Variants in ZNF717 observed in about 807,000 individuals in gnomAD.
ZNF717 encodes the protein zinc finger protein 717.
A neutral mutation model predicts 13.8 loss-of-function variants in ZNF717; 9 were observed. The observed-to-expected ratio is 0.65, with a 90% CI of 0.39 to 1.14. The LOEUF is 1.14. ZNF717 is among the 50% of genes most tolerant of loss of function. The probability of loss-of-function intolerance (pLI) is 0.01; values close to 1 mark genes in which losing one functional copy is unlikely to be tolerated. For missense variants in ZNF717, 1,040 were observed against 1,080.7 expected (o/e 0.96, Z 0.53); for synonymous variants, 327 against 364.1 (o/e 0.90, Z 1.16).
chr3:75,733,574 C>T (rs797021673), downstream of ZNF717, among the ~76,000 whole-genome samples: 15 of 150,638 alleles, frequency 1.0e-4, no homozygotes, highest in Non-Finnish European at 1.6e-4. Context: ...GTCAGGAGAT[C>T]GAGACCACTC....
chr3:75,708,776 TA>T (rs1296806854), downstream of ZNF717, among the ~76,000 whole-genome samples: 3 of 152,188 alleles, frequency 2.0e-5, no homozygotes, highest in African/African-American at 7.2e-5. Flanking sequence ...AGCATTGCTG[TA>T]AAGAAATACC....
intron 2 of ZNF717, among the ~76,000 whole-genome samples, chr3:75,746,281 C>T (rs1335345588): frequency 1.3e-5 from 2 of 152,142 alleles, no homozygotes; most frequent in African/African-American, 4.8e-5. Context: ...CATTGTTGGA[C>T]ATTTGGACAT....
intron 2 of ZNF717, among the ~76,000 whole-genome samples, chr3:75,756,819 C>T (rs1291874524): frequency 6.6e-6 from 1 of 152,204 alleles, no homozygotes; most frequent in Non-Finnish European, 1.5e-5. Flanking sequence ...GGATTACGGG[C>T]ATGCGCCACC....
chr3:75,774,215 A>G lies in ZNF717; in HGVS notation c.57+9091T>C, dbSNP rs1484920412. On this transcript the variant is annotated intron_variant, in intron 2 of 4. Coordinates refer to ENST00000652011, the MANE Select transcript of ZNF717 (RefSeq NM_001290208.3). ...AAAAAAAAAAAAAAGGAAAAACAAGAGGCAGATTGTTTGGGAAGGTAAGTC... is the reference window on the plus strand; with the variant it reads ...AAAAAAAAAAAAAAGGAAAAACAAGGGGCAGATTGTTTGGGAAGGTAAGTC... 9.9e-5 allele frequency among the ~76,000 whole-genome samples: 15 copies of G among 151,122 alleles called. No individual in the cohort carries two copies. In the East Asian group the frequency reaches 2.7e-3, roughly 27 times the overall value.
chr3:75,760,731 T>C (rs1160047485), intron 2 of ZNF717, among the ~76,000 whole-genome samples: 1 of 150,100 alleles, frequency 6.7e-6, no homozygotes, highest in East Asian at 2.0e-4. Flanking sequence ...CTCAAATCAA[T>C]AACCTAACAT....
chr3:75,734,725 G>GCCAAT (rs1938930250), downstream of ZNF717, among the ~76,000 whole-genome samples: 1 of 143,382 alleles, frequency 7.0e-6, no homozygotes, highest in Admixed American at 7.1e-5. Context: ...ATAAGCCACC[G>GCCAAT]TACCTGGCTG....
In ZNF717 at chr3:75,737,727, T is replaced by C. The variant is rs1461707019; in HGVS notation, c.1896A>G (p.Ser632=). 9 of 1,546,162 alleles carry C rather than the reference T, an allele frequency of 5.8e-6. No homozygotes were observed. In the East Asian group the frequency reaches 1.2e-4, roughly 21 times the overall value. ...NECGKTFRQK[S]NLSTHQGTHT... ...GAGTTCCCTGATGGGTGCTGAGATT[T>C]GACTTCTGACGAAAGGTTTTTCCAC... Residue 632 remains serine, a synonymous_variant, in exon 5 of 5, where the codon TCA becomes TCG. Coordinates refer to ENST00000652011, the MANE Select transcript of ZNF717 (RefSeq NM_001290208.3).
chr3:75,736,452 CAT>C lies in ZNF717; in HGVS notation c.*424_*425del, dbSNP rs1200272420. 6.0e-6 allele frequency: 1 copy of C among 165,416 alleles called. No individual in the cohort carries two copies. Among genetic ancestry groups the C allele is most frequent in the African/African-American group, 2.4e-5 (1 of 41,666 alleles). The allele number at this position is 165,416 out of a possible 1,614,324, so 10.2% of individuals were successfully genotyped here. A position where few individuals can be genotyped will look rare whatever the true frequency, so the allele number is the denominator to read the frequency against. ...GTTATAGGTGCTACTCCAGAGAACA[CAT>C]GAATGATTTTTAAAAAACAAAACAG... On this transcript the variant is annotated 3_prime_UTR_variant, in exon 5 of 5. Coordinates refer to ENST00000652011, the MANE Select transcript of ZNF717 (RefSeq NM_001290208.3).
At chr3:75,712,699 T>C (rs1375395172) in intron 5 of ZNF717, among the ~76,000 whole-genome samples, 2 of 152,156 alleles carry the variant, frequency 1.3e-5, no homozygotes, top group Non-Finnish European at 2.9e-5. Flanking sequence ...TCTTTTCTTT[T>C]CAACCTTCTC....
At chr3:75,715,394 G>T (rs1244182413) in intron 5 of ZNF717, among the ~76,000 whole-genome samples, 1 of 151,918 alleles carries the variant, frequency 6.6e-6, no homozygotes, top group Non-Finnish European at 1.5e-5. Flanking sequence ...TTTTGCTTTT[G>T]CATGGCAGAA....
At chr3:75,715,980 T>G (rs1181651561) in intron 5 of ZNF717, among the ~76,000 whole-genome samples, 7 of 49,632 alleles carry the variant, frequency 1.4e-4, no homozygotes, top group Non-Finnish European at 2.6e-4. Context: ...GTTTTTTTGT[T>G]TTTTTTTTTT....
downstream of ZNF717, among the ~76,000 whole-genome samples, chr3:75,725,539 G>A (rs12490589): frequency 0.36 from 54,471 of 149,620 alleles, 5,793 homozygotes; most frequent in Admixed American, 0.39. Context: ...ATAAGTCTCC[G>A]TATTAGTCTA....
intron 2 of ZNF717, among the ~76,000 whole-genome samples, chr3:75,752,905 T>C (rs796915487): frequency 3.8e-5 from 3 of 78,908 alleles, no homozygotes; most frequent in African/African-American, 1.2e-4. Flanking sequence ...ATTCCAGATC[T>C]CTCCTGCTGT....
At chr3:75,698,148 C>CAAAAA (rs61557684) in intron 6 of ZNF717, among the ~76,000 whole-genome samples, 6 of 149,692 alleles carry the variant, frequency 4.0e-5, no homozygotes, top group East Asian at 4.1e-4. Context: ...CATGTTCTAG[C>CAAAAA]AAAAAAAAAA....
chr3:75,782,945 A>G (rs1944920176), intron 2 of ZNF717, among the ~76,000 whole-genome samples: 1 of 152,248 alleles, frequency 6.6e-6, no homozygotes, highest in Admixed American at 6.5e-5. Context: ...GGTGTGAAAT[A>G]TGTTCCAGCA....
downstream of ZNF717, among the ~76,000 whole-genome samples, chr3:75,734,396 G>A (rs1420056670): frequency 4.8e-4 from 72 of 149,138 alleles, no homozygotes; most frequent in African/African-American, 1.7e-3. Flanking sequence ...AAGAACATTA[G>A]AGAAGGAATA....
At chr3:75,727,223 G>T (rs1225771766), downstream of ZNF717, among the ~76,000 whole-genome samples, 2 of 45,764 alleles carry the variant, frequency 4.4e-5, no homozygotes, top group Admixed American at 4.8e-4. Flanking sequence ...TGTATAAATT[G>T]TTTGTAAAAC....
intron 2 of ZNF717, among the ~76,000 whole-genome samples, chr3:75,763,475 A>G (rs1464848408): frequency 2.6e-5 from 4 of 152,270 alleles, no homozygotes; most frequent in Admixed American, 2.6e-4. Context: ...TTCAACCTAT[A>G]GCTGCACATC....
intron 2 of ZNF717, among the ~76,000 whole-genome samples, chr3:75,782,716 A>G (rs184116704): frequency 1.9e-3 from 277 of 142,544 alleles, no homozygotes; most frequent in African/African-American, 6.1e-3. Context: ...ATGCTTTAGC[A>G]GCAGATGACC....
Sources: gnomAD v4.1 joint callset for allele counts (sites outside exome capture counted in the v4.1 genomes callset) on GRCh38, gnomAD v4.1.1 for gene constraint, MANE v1.5 for transcripts, NCBI Gene and HGNC (gene_info 2026-07-23, HGNC 2026-07-21) for gene names.